The following POFUT3 variants were observed in gnomAD, a reference collection of about 807,000 sequenced individuals.
POFUT3 encodes GDP-fucose protein O-fucosyltransferase 3.
chr8:33,345,456 A>G, the POFUT3 span, among the ~76,000 whole-genome samples: 1 of 144,730 alleles, frequency 6.9e-6, no homozygotes, highest in African/African-American at 2.6e-5. Context: ...GCTGGAGTGT[A>G]ATGGCACAAT....
chr8:33,361,964 T>C, the POFUT3 span, among the ~76,000 whole-genome samples: 3 of 152,140 alleles, frequency 2.0e-5, no homozygotes, highest in African/African-American at 7.2e-5. Flanking sequence ...GACACGTAAT[T>C]GTCAGATTCA....
chr8:33,438,888 C>A, the POFUT3 span, among the ~76,000 whole-genome samples: 1 of 152,182 alleles, frequency 6.6e-6, no homozygotes, highest in Non-Finnish European at 1.5e-5. Context: ...CTGGGGGAAA[C>A]CGCTCCTATG....
At chr8:33,422,827 A>ATT in the POFUT3 span, among the ~76,000 whole-genome samples, 3 of 151,470 alleles carry the variant, frequency 2.0e-5, no homozygotes, top group Non-Finnish European at 4.4e-5. Flanking sequence ...TCAGAAATCC[A>ATT]TTTTTTTTAG....
chr8:33,392,369 A>G, the POFUT3 span, among the ~76,000 whole-genome samples: 1 of 152,082 alleles, frequency 6.6e-6, no homozygotes, highest in Non-Finnish European at 1.5e-5. Context: ...TGAGGTCAGG[A>G]GTTCGAGACC....
the POFUT3 span, among the ~76,000 whole-genome samples, chr8:33,377,098 G>A: frequency 6.6e-6 from 1 of 152,050 alleles, no homozygotes; most frequent in Non-Finnish European, 1.5e-5. Flanking sequence ...TGGGCATGGT[G>A]GCATATGCCT....
At chr8:33,379,776 C>T in the POFUT3 span, among the ~76,000 whole-genome samples, 4 of 144,402 alleles carry the variant, frequency 2.8e-5, no homozygotes, top group African/African-American at 1.0e-4. Context: ...GCAGAGGTTG[C>T]AGTGGGCTGA....
the POFUT3 span, among the ~76,000 whole-genome samples, chr8:33,422,545 C>CAAAAA: frequency 8.3e-4 from 31 of 37,132 alleles, 2 homozygotes; most frequent in African/African-American, 2.3e-3. Flanking sequence ...AACTCTGTCT[C>CAAAAA]AAAAAAAAAA....
the POFUT3 span, among the ~76,000 whole-genome samples, chr8:33,406,272 C>CA: frequency 6.6e-6 from 1 of 151,208 alleles, no homozygotes; most frequent in East Asian, 1.9e-4. Flanking sequence ...AATGGAAAAA[C>CA]AAATATATAT....
the POFUT3 span, among the ~76,000 whole-genome samples, chr8:33,403,060 C>CA: frequency 4.0e-4 from 54 of 136,222 alleles, no homozygotes; most frequent in African/African-American, 5.1e-4. Context: ...AACCGTGTCT[C>CA]AAAAAAAAAA....
At chr8:33,315,588 C>G in the POFUT3 span, among the ~76,000 whole-genome samples, 1 of 151,824 alleles carries the variant, frequency 6.6e-6, no homozygotes, top group Non-Finnish European at 1.5e-5. Context: ...GACATGGAGA[C>G]AACCAATCTG....
the POFUT3 span, among the ~76,000 whole-genome samples, chr8:33,387,687 C>G: frequency 1.3e-5 from 2 of 152,068 alleles, no homozygotes; most frequent in Non-Finnish European, 2.9e-5. Flanking sequence ...GCCTGTAGTC[C>G]CAGCTACTCA....
the POFUT3 span, chr8:33,370,906 G>A: frequency 6.6e-6 from 1 of 152,086 alleles, no homozygotes; most frequent in African/African-American, 2.4e-5. Flanking sequence ...CAAATAAAAT[G>A]GCAGAGAGAG....
chr8:33,402,480 C>G, the POFUT3 span, among the ~76,000 whole-genome samples: 1 of 152,200 alleles, frequency 6.6e-6, no homozygotes, highest in Non-Finnish European at 1.5e-5. Context: ...AAGAGGGAAA[C>G]AGCACAGAAC....
At chr8:33,388,287 G>T in the POFUT3 span, among the ~76,000 whole-genome samples, 1 of 147,860 alleles carries the variant, frequency 6.8e-6, no homozygotes, top group Non-Finnish European at 1.5e-5. Context: ...CCACGGCATT[G>T]ATGGAGAGGC....
At chr8:33,469,889 G>A in the POFUT3 span, among the ~76,000 whole-genome samples, 1 of 128,762 alleles carries the variant, frequency 7.8e-6, no homozygotes, top group Non-Finnish European at 1.5e-5. Flanking sequence ...TCTGCCTCCC[G>A]AGTTCAGGCG....
chr8:33,352,939 G>A, the POFUT3 span, among the ~76,000 whole-genome samples: 3 of 152,202 alleles, frequency 2.0e-5, no homozygotes, highest in African/African-American at 7.2e-5. Context: ...AGTGCCCTGA[G>A]GACATATGGG....
At chr8:33,389,186 G>C in the POFUT3 span, 1 of 1,614,062 alleles carries the variant, frequency 6.2e-7, no homozygotes. Flanking sequence ...CAGTTCCCTG[G>C]GGTGAGAAAA....
the POFUT3 span, among the ~76,000 whole-genome samples, chr8:33,312,611 G>A: frequency 6.6e-6 from 1 of 152,052 alleles, no homozygotes; most frequent in Non-Finnish European, 1.5e-5. Context: ...CCCAGATTAA[G>A]GAAGCTCATA....
the POFUT3 span, chr8:33,389,483 A>G: frequency 1.9e-6 from 3 of 1,614,116 alleles, no homozygotes; most frequent in African/African-American, 4.0e-5. Flanking sequence ...CAGCTCGCGA[A>G]CATAGCTGTC....
Sources: gnomAD v4.1 joint callset for allele counts (sites outside exome capture counted in the v4.1 genomes callset) on GRCh38, gnomAD v4.1.1 for gene constraint, MANE v1.5 for transcripts, NCBI Gene and HGNC (gene_info 2026-07-23, HGNC 2026-07-21) for gene names.